The following IRF5 variants were observed in gnomAD, a reference collection of about 807,000 sequenced individuals.
IRF5 encodes the protein interferon regulatory factor 5.
A neutral mutation model predicts 55.1 loss-of-function variants in IRF5; 24 were observed. The ratio of observed to expected loss-of-function variants is 0.44; its 90% CI spans 0.32 to 0.61. The LOEUF is 0.61. Among genes scored for constraint, IRF5 ranks in the 20% least tolerant of loss-of-function variants. The pLI is 0.07. For synonymous variants in IRF5, 258 were observed against 260.2 expected, an observed-to-expected ratio of 0.99 and a Z score of 0.08; for missense variants, 499 against 658.5, an observed-to-expected ratio of 0.76 and a Z score of 2.65.
Position 128,948,662 on chromosome 7 carries a change from C to T in IRF5, c.1389C>T (p.Asn463=). 6.2e-7 allele frequency: 1 copy of T among 1,614,214 alleles called. No individual in the cohort carries two copies. Among genetic ancestry groups the T allele is most frequent in the East Asian group, 2.2e-5 (1 of 44,884 alleles). The change falls in exon 9 of 9, where the codon AAC becomes AAT. Residue 463 remains asparagine (N), a synonymous_variant. Transcript: ENST00000357234. The surrounding 1 kb of genome is among the most constrained non-coding windows in gnomAD (Gnocchi z 4.6). ...ATAGTATCCGGCTACAGATCTCAAA[C>T]CCAGACCTCAAAGACCGCATGGTGG... The part of the protein sequence containing the change: ...SADSIRLQIS[N]PDLKDRMVEQ...
At chr7:128,942,015 C>T in intron 1 of IRF5, 56 bp from the exon 2 acceptor site, 1 of 1,395,080 alleles carries the variant, frequency 7.2e-7, no homozygotes, top group Non-Finnish European at 9.9e-7. Flanking sequence ...CTCTGAGTAC[C>T]CTGTCCCCAT....
Position 128,946,031 on chromosome 7 carries a change from A to C in IRF5, c.382A>C (p.Thr128Pro). The change falls in exon 3 of 9, where the codon ACA becomes CCA. Residue 128 changes from threonine to proline, a missense_variant. Transcript: ENST00000357234. The surrounding 1 kb of genome is among the most constrained non-coding windows in gnomAD (Gnocchi z 4.2). ...YEVCSNGPAP[T>P]DSQPPEDYSF... ...GGTCTGCTCCAATGGCCCTGCTCCC[A>C]CAGGTATCAGGCCTAGCCCTCTGTG... 6.2e-7 allele frequency: 1 copy of C among 1,600,556 alleles called. No homozygotes were observed. Among genetic ancestry groups the C allele is most frequent in the Non-Finnish European group, 8.5e-7 (1 of 1,175,218 alleles).
In IRF5 at chr7:128,947,462, C is replaced by T; in HGVS notation, c.714C>T (p.Pro238=). ...ELLSEVLEPG[P]LPASLPPAGE... ...TCTCTGAGGTCCTGGAGCCTGGGCC[C>T]CTGCCTGCCAGCCTGCCCCCTGCAG... The change falls in exon 6 of 9, where the codon CCC becomes CCT. Residue 238 remains proline, a synonymous_variant. Coordinates refer to ENST00000357234, the MANE Select transcript of IRF5 (RefSeq NM_001098629.3). This position sits in a 1 kb window ranked among gnomAD's most constrained non-coding sequence, Gnocchi z 6.5. 1.9e-6 allele frequency: 3 copies of T among 1,611,410 alleles called. No homozygotes were observed. Among genetic ancestry groups the T allele is most frequent in the South Asian group, 2.2e-5 (2 of 90,934 alleles).
Position 128,947,747 on chromosome 7 carries a change from A to C in IRF5, c.806A>C (p.Lys269Thr). Residue 269 changes from lysine to threonine, a missense_variant, in exon 7 of 9, where the codon AAG becomes ACG. Transcript: ENST00000357234. This position sits in a 1 kb window ranked among gnomAD's most constrained non-coding sequence, Gnocchi z 6.5. ...HMLPLTDLEI[K>T]FQYRGRPPRA... Reference sequence around the variant, plus strand: ...CCCACAGTGACCGACCTGGAGATCAAGTTTCAGTACCGGGGGCGGCCACCC... The same window carrying C: ...CCCACAGTGACCGACCTGGAGATCACGTTTCAGTACCGGGGGCGGCCACCC... The C allele has an allele frequency of 1.2e-6, 2 of 1,609,076 alleles. No homozygotes were observed. The highest frequency in any genetic ancestry group is 1.7e-6 in the Non-Finnish European group (2 of 1,178,820).
rs1796422239 is a variant in IRF5, at chr7:128,948,076, C to A, written c.1135C>A (p.Arg379=). 1.2e-6 allele frequency: 2 copies of A among 1,614,040 alleles called. No homozygotes were observed. Among genetic ancestry groups the A allele is most frequent in the Admixed American group, 1.7e-5 (1 of 60,006 alleles). The change falls in exon 7 of 9, where the codon CGG becomes AGG. Residue 379 remains arginine, a synonymous_variant. Coordinates refer to ENST00000357234, the MANE Select transcript of IRF5 (RefSeq NM_001098629.3). The surrounding 1 kb of genome is among the most constrained non-coding windows in gnomAD (Gnocchi z 4.6). ...AHDSCPNPIQ[R]EVKTKLFSLE... is the part of the protein sequence containing the mutation. Reference sequence around the variant, plus strand: ...TGACTCATGCCCCAACCCCATCCAGCGGGAGGTCAAGACCAAGCTTTTCAG... The same window carrying A: ...TGACTCATGCCCCAACCCCATCCAGAGGGAGGTCAAGACCAAGCTTTTCAG...
chr7:128,948,858 G>A lies in IRF5; in HGVS notation c.*40G>A, dbSNP rs750503564. ...GTGACTGGCCCTGGCTTCCTGGGTG[G>A]CGGTGCGGACTGATGTGGAGATGTG... On this transcript the variant is annotated 3_prime_UTR_variant, in exon 9 of 9. Coordinates refer to ENST00000357234, the MANE Select transcript of IRF5 (RefSeq NM_001098629.3). This position sits in a 1 kb window ranked among gnomAD's most constrained non-coding sequence, Gnocchi z 4.6. 1.3e-6 allele frequency: 2 copies of A among 1,585,728 alleles called. No homozygotes were observed. The highest frequency in any genetic ancestry group is 1.1e-5 in the South Asian group (1 of 89,408).
chr7:128,948,253 C>G lies in IRF5; in HGVS notation c.1224C>G (p.Pro408=), dbSNP rs1796434793. 2 of 1,613,706 alleles carry G rather than the reference C, an allele frequency of 1.2e-6. No homozygotes were observed. Among genetic ancestry groups the G allele is most frequent in the Admixed American group, 1.7e-5 (1 of 59,894 alleles). ...AGGGCCAGACCAACACCCCACCACC[C>G]TTCGAGATCTTCTTCTGCTTTGGGG... is the stretch of plus-strand genomic sequence containing the variant. ...FQKGQTNTPP[P]FEIFFCFGEE... Residue 408 remains proline, a synonymous_variant, in exon 8 of 9, where the codon CCC becomes CCG. Coordinates refer to ENST00000357234, the MANE Select transcript of IRF5 (RefSeq NM_001098629.3). The surrounding 1 kb of genome is among the most constrained non-coding windows in gnomAD (Gnocchi z 4.6).
intron 1 of IRF5, among the ~76,000 whole-genome samples, chr7:128,941,727 G>A (rs1452850384): frequency 6.6e-6 from 1 of 152,182 alleles, no homozygotes; most frequent in Non-Finnish European, 1.5e-5. Flanking sequence ...CCCCCCAAGA[G>A]CAAGGGGTGG....
rs1242055961 is a variant in IRF5, at chr7:128,942,280, A to T, written c.195+4A>T. 1 of 1,605,776 alleles carries T rather than the reference A, an allele frequency of 6.2e-7. No homozygotes were observed. Among genetic ancestry groups the T allele is most frequent in the Non-Finnish European group, 8.5e-7 (1 of 1,174,564 alleles). ...CGGAGATAACACCATCTTCAAGGTA[A>T]GCCCCGGGGAGGAGGTTGGCTGGAC... On this transcript the variant is annotated splice_donor_region_variant and intron_variant, in intron 2 of 8. Transcript: ENST00000357234.
chr7:128,941,299 A>T (rs1796006164), intron 1 of IRF5: 1 of 152,334 alleles, frequency 6.6e-6, no homozygotes, highest in Non-Finnish European at 1.5e-5. Flanking sequence ...AGGCTCCGGC[A>T]GGCGTTAGGG....
chr7:128,947,249 C>T lies in IRF5; in HGVS notation c.501C>T (p.Pro167=). The change falls in exon 6 of 9, where the codon CCC becomes CCT. Residue 167 remains proline, a synonymous_variant. Coordinates refer to ENST00000357234, the MANE Select transcript of IRF5 (RefSeq NM_001098629.3). This position sits in a 1 kb window ranked among gnomAD's most constrained non-coding sequence, Gnocchi z 6.5. The part of the protein sequence containing the change: ...LSLTDAVQSG[P]HMTPYSLLKE... Reference sequence around the variant, plus strand: ...CTGTAGATGCAGTGCAGTCTGGCCCCCACATGACACCCTATTCTTTACTCA... The same window carrying T: ...CTGTAGATGCAGTGCAGTCTGGCCCTCACATGACACCCTATTCTTTACTCA... 2 of 1,607,508 alleles carry T rather than the reference C, an allele frequency of 1.2e-6. No homozygotes were observed. Among genetic ancestry groups the T allele is most frequent in the Non-Finnish European group, 8.5e-7 (1 of 1,176,664 alleles).
At chr7:128,943,701 C>T (rs1297393253) in intron 2 of IRF5, among the ~76,000 whole-genome samples, 25 of 140,974 alleles carry the variant, frequency 1.8e-4, no homozygotes, top group Admixed American at 1.3e-3. Flanking sequence ...CCACCATGCC[C>T]GGCTAATTTT....
intron 1 of IRF5, 105 bp from the exon 2 acceptor site, chr7:128,941,966 T>C (rs1488190355): frequency 1.2e-5 from 9 of 778,152 alleles, no homozygotes; most frequent in Non-Finnish European, 1.8e-5. Flanking sequence ...AATACCTAGA[T>C]GGACTGGAGA....
At position 128,948,641 on chromosome 7, in the gene IRF5, T is replaced by C. The variant is rs1796461076; in HGVS notation, c.1368T>C (p.Ser456=). ...FSGELSWSAD[S]IRLQISNPDL... Reference sequence around the variant, plus strand: ...GGGAGCTATCTTGGTCAGCTGATAGTATCCGGCTACAGATCTCAAACCCAG... The same window carrying C: ...GGGAGCTATCTTGGTCAGCTGATAGCATCCGGCTACAGATCTCAAACCCAG... Residue 456 remains serine, a synonymous_variant, in exon 9 of 9, where the codon AGT becomes AGC. Transcript: ENST00000357234. The surrounding 1 kb of genome is among the most constrained non-coding windows in gnomAD (Gnocchi z 4.6). 3 of 1,614,192 alleles carry C rather than the reference T, an allele frequency of 1.9e-6. No individual in the cohort carries two copies. Among genetic ancestry groups the C allele is most frequent in the Non-Finnish European group, 2.5e-6 (3 of 1,180,018 alleles).
At chr7:128,940,319 G>A in intron 1 of IRF5, 1 of 152,296 alleles carries the variant, frequency 6.6e-6, no homozygotes, top group East Asian at 1.9e-4. Flanking sequence ...CAGCCCAGGG[G>A]GTCATTAGGG....
chr7:128,948,462 A>G lies in IRF5; in HGVS notation c.1300-111A>G. The G allele has an allele frequency of 6.6e-7, 1 of 1,505,008 alleles. No individual in the cohort carries two copies. Among genetic ancestry groups the G allele is most frequent in the Non-Finnish European group, 9.0e-7 (1 of 1,105,748 alleles). The allele number at this position is 1,505,008 out of a possible 1,614,324, so 93.2% of individuals were successfully genotyped here. ...TGGCGGCCAGAGACCATCAAGGCTC[A>G]GAGCCGGAGAATGCGGTCTATTACT... On this transcript the variant is annotated intron_variant, in intron 8 of 8. Transcript: ENST00000357234. This position sits in a 1 kb window ranked among gnomAD's most constrained non-coding sequence, Gnocchi z 4.6.
intron 2 of IRF5, among the ~76,000 whole-genome samples, chr7:128,942,608 A>T (rs1796090493): frequency 6.6e-6 from 1 of 151,896 alleles, no homozygotes; most frequent in African/African-American, 2.4e-5. Context: ...ATGAGCCACC[A>T]CGCCTGGCCT....
At chr7:128,943,153 C>A in intron 2 of IRF5, 1 of 231,830 alleles carries the variant, frequency 4.3e-6, no homozygotes, top group Non-Finnish European at 8.8e-6. Context: ...CCCATCTCAA[C>A]CTCCTTGAGT....
Position 128,947,302 on chromosome 7 carries a change from TGCAGCCGCCCACTCTGCGGCCGCCTACTC to T in IRF5, c.555_583del (p.Gln186AlafsTer37). ...GAGGATGTCAAGTGGCCGCCCACTC[TGCAGCCGCCCACTCTGCGGCCGCCTACTC>T]TGCAGCCGCCCACTCTGCAGCCGCC... On this transcript the variant is annotated frameshift_variant, in exon 6 of 9. Transcript: ENST00000357234. LOFTEE classifies it high-confidence loss of function. This position sits in a 1 kb window ranked among gnomAD's most constrained non-coding sequence, Gnocchi z 6.5. 1 of 413,946 alleles carries T rather than the reference TGCAGCCGCCCACTCTGCGGCCGCCTACTC, an allele frequency of 2.4e-6. No individual in the cohort carries two copies. 25.6% of individuals were successfully genotyped at this position (413,946 alleles called of 1,614,324 possible). A position where few individuals can be genotyped will look rare whatever the true frequency, so the allele number is the denominator to read the frequency against.
Sources: gnomAD v4.1 joint callset for allele counts (sites outside exome capture counted in the v4.1 genomes callset) on GRCh38, gnomAD v4.1.1 for gene constraint, Gnocchi (gnomAD v3.1) non-coding constraint, MANE v1.5 for transcripts, NCBI Gene and HGNC (gene_info 2026-07-23, HGNC 2026-07-21) for gene names.